BLTP3B: variants seen among roughly 807,000 people sequenced by gnomAD.
BLTP3B encodes the protein UHRF1 (ICBP90) binding protein 1-like.
At chr12:100,088,551 A>C in the BLTP3B span, among the ~76,000 whole-genome samples, 1 of 152,248 alleles carries the variant, frequency 6.6e-6, no homozygotes, top group African/African-American at 2.4e-5. Flanking sequence ...ATAATTATGA[A>C]TTAAGTATGG....
chr12:100,142,796 C>G, the BLTP3B span: 2 of 1,078,588 alleles, frequency 1.9e-6, no homozygotes, highest in East Asian at 3.1e-5. Flanking sequence ...CAGCCGCCGC[C>G]GAGAACCCGG....
At chr12:100,046,518 T>C in the BLTP3B span, among the ~76,000 whole-genome samples, 7 of 150,012 alleles carry the variant, frequency 4.7e-5, no homozygotes, top group South Asian at 2.1e-4. Flanking sequence ...TAAGTGGGAG[T>C]TGAACAATGA....
At chr12:100,063,130 T>C in the BLTP3B span, among the ~76,000 whole-genome samples, 2 of 152,020 alleles carry the variant, frequency 1.3e-5, no homozygotes, top group Non-Finnish European at 2.9e-5. Flanking sequence ...GAGGCTCACA[T>C]AGTGAATTTT....
the BLTP3B span, among the ~76,000 whole-genome samples, chr12:100,119,681 C>G: frequency 6.6e-6 from 1 of 151,630 alleles, no homozygotes; most frequent in African/African-American, 2.4e-5. Flanking sequence ...AAAAACAAGT[C>G]AATGAAAATA....
the BLTP3B span, among the ~76,000 whole-genome samples, chr12:100,109,638 T>C: frequency 6.6e-6 from 1 of 152,072 alleles, no homozygotes; most frequent in African/African-American, 2.4e-5. Flanking sequence ...TGTTGGCGCA[T>C]GCCTGTAGTC....
chr12:100,063,609 G>C, the BLTP3B span, among the ~76,000 whole-genome samples: 1 of 151,868 alleles, frequency 6.6e-6, no homozygotes, highest in African/African-American at 2.4e-5. Flanking sequence ...GGGAGGCTGA[G>C]GCGGGAGAAT....
the BLTP3B span, chr12:100,108,639 A>G: frequency 9.4e-7 from 1 of 1,067,968 alleles, no homozygotes; most frequent in Non-Finnish European, 1.3e-6. Context: ...TAAAAATATA[A>G]TAGGAGTGGA....
At chr12:100,124,576 C>T in the BLTP3B span, among the ~76,000 whole-genome samples, 1 of 151,892 alleles carries the variant, frequency 6.6e-6, no homozygotes, top group East Asian at 1.9e-4. Context: ...AACCCCATCT[C>T]TACTAAAAAC....
the BLTP3B span, among the ~76,000 whole-genome samples, chr12:100,112,765 CAGG>C: frequency 6.7e-6 from 1 of 148,998 alleles, no homozygotes; most frequent in Non-Finnish European, 1.5e-5. Flanking sequence ...GAGGCTGAGG[CAGG>C]AGAATTGCCT....
At chr12:100,124,547 A>G in the BLTP3B span, among the ~76,000 whole-genome samples, 1 of 151,718 alleles carries the variant, frequency 6.6e-6, no homozygotes, top group African/African-American at 2.4e-5. Context: ...GTTCGAGACC[A>G]GCCTGACCAA....
the BLTP3B span, among the ~76,000 whole-genome samples, chr12:100,079,088 G>A: frequency 6.6e-6 from 1 of 152,116 alleles, no homozygotes; most frequent in East Asian, 1.9e-4. Context: ...CTTTTTTCCT[G>A]TATAAATTGC....
At chr12:100,075,195 A>G in the BLTP3B span, among the ~76,000 whole-genome samples, 2 of 152,026 alleles carry the variant, frequency 1.3e-5, no homozygotes, top group Non-Finnish European at 2.9e-5. Context: ...TATTTTTAGT[A>G]GAGATGGGGT....
chr12:100,120,048 T>A, the BLTP3B span, among the ~76,000 whole-genome samples: 2 of 152,374 alleles, frequency 1.3e-5, no homozygotes, highest in Admixed American at 6.5e-5. Context: ...CAATTTTTTT[T>A]AAATTCTTAC....
At chr12:100,047,877 T>C in the BLTP3B span, 84 of 1,311,802 alleles carry the variant, frequency 6.4e-5, no homozygotes, top group Non-Finnish European at 8.1e-5. Context: ...GGCACATTCT[T>C]AGACATGAAT....
At chr12:100,083,916 TG>T in the BLTP3B span, among the ~76,000 whole-genome samples, 1 of 152,106 alleles carries the variant, frequency 6.6e-6, no homozygotes, top group Admixed American at 6.5e-5. Context: ...AGGCCGGGCG[TG>T]GTGGCTCACG....
At chr12:100,075,808 C>G in the BLTP3B span, among the ~76,000 whole-genome samples, 3 of 150,750 alleles carry the variant, frequency 2.0e-5, no homozygotes, top group African/African-American at 7.3e-5. Flanking sequence ...ATCTCAGATA[C>G]ATTAGTTAGA....
the BLTP3B span, among the ~76,000 whole-genome samples, chr12:100,071,875 C>G: frequency 4.6e-5 from 7 of 152,226 alleles, no homozygotes; most frequent in Middle Eastern, 3.2e-3. Context: ...AAACAAATGA[C>G]TTTATTCTAC....
At chr12:100,064,284 G>A in the BLTP3B span, among the ~76,000 whole-genome samples, 2 of 152,166 alleles carry the variant, frequency 1.3e-5, no homozygotes, top group East Asian at 3.9e-4. Flanking sequence ...AGAAGTCTGG[G>A]ATTATGTTAA....
chr12:100,124,898 G>A, the BLTP3B span, among the ~76,000 whole-genome samples: 1 of 129,718 alleles, frequency 7.7e-6, no homozygotes, highest in Non-Finnish European at 1.6e-5. Context: ...CTCCCACCTG[G>A]GTGACAGAGT....
Sources: allele counts gnomAD v4.1 joint callset (sites outside exome capture counted in the v4.1 genomes callset), GRCh38; gene constraint gnomAD v4.1.1; transcripts MANE v1.5; gene names NCBI Gene and HGNC (gene_info 2026-07-23, HGNC 2026-07-21).